ZNF730: variants seen among roughly 807,000 people sequenced by gnomAD.
ZNF730 encodes the protein putative zinc finger protein 730.
ZNF730 carries 12 observed loss-of-function variants against 12.6 expected under a neutral mutation model. The observed-to-expected ratio is 0.95, with a 90% CI of 0.61 to 1.54. ZNF730 has a LOEUF of 1.54. Among genes scored for constraint, ZNF730 ranks in the 40% most tolerant of loss-of-function variants. The pLI, the probability that ZNF730 is intolerant of heterozygous loss-of-function variation, is 0.00. For synonymous variants in ZNF730, 194 were observed against 195.8 expected (o/e 0.99, Z 0.08); for missense variants, 643 against 583.5 (o/e 1.10, Z -1.05).
chr19:23,103,912 T>G (rs1024434632), intron 1 of ZNF730, among the ~76,000 whole-genome samples: 2 of 152,190 alleles, frequency 1.3e-5, no homozygotes, highest in African/African-American at 4.8e-5. Context: ...GTCTTAATTA[T>G]TTTTAAAAGA....
At chr19:23,122,159 T>G (rs992781520) in intron 1 of ZNF730, among the ~76,000 whole-genome samples, 4 of 86,002 alleles carry the variant, frequency 4.7e-5, no homozygotes, top group African/African-American at 1.6e-4. Context: ...TTTTTTTTTT[T>G]AGACAGAGTT....
intron 1 of ZNF730, among the ~76,000 whole-genome samples, chr19:23,098,932 G>A (rs577365592): frequency 2.0e-5 from 3 of 152,248 alleles, no homozygotes; most frequent in Non-Finnish European, 4.4e-5. Flanking sequence ...AAAATCCTGG[G>A]TCTCCTCTCT....
chr19:23,135,221 T>TA lies in ZNF730; in HGVS notation c.131-689dup, dbSNP rs57748615. On this transcript the variant is annotated intron_variant, in intron 2 of 3. Transcript: ENST00000597761. Reference sequence around the variant, plus strand: ...GCGAGAAACACCCAAGAATGATCAATAAAAAAAAAAAAAAAAAAAAAAAAA... The same window carrying TA: ...GCGAGAAACACCCAAGAATGATCAATAAAAAAAAAAAAAAAAAAAAAAAAAA... 5.7e-4 allele frequency among the ~76,000 whole-genome samples: 22 copies of TA among 38,820 alleles called. 3 individuals carry two copies. The highest frequency in any genetic ancestry group is 1.2e-3 in the South Asian group (1 of 828). The allele number at this position is 38,820 out of a possible 152,430, so 25.5% of individuals were successfully genotyped here.
chr19:23,124,607 A>G (rs117627316), intron 1 of ZNF730, among the ~76,000 whole-genome samples: 1 of 152,308 alleles, frequency 6.6e-6, no homozygotes, highest in Non-Finnish European at 1.5e-5. Flanking sequence ...TCCAGAGCAG[A>G]ATTTTATCAG....
At chr19:23,134,526 G>T (rs1209253509) in intron 2 of ZNF730, among the ~76,000 whole-genome samples, 2 of 137,658 alleles carry the variant, frequency 1.5e-5, no homozygotes, top group Non-Finnish European at 1.5e-5. Flanking sequence ...GGTGAGGGGC[G>T]CCTCTGCCCG....
At chr19:23,104,496 G>A (rs1970370027) in intron 1 of ZNF730, among the ~76,000 whole-genome samples, 1 of 151,936 alleles carries the variant, frequency 6.6e-6, no homozygotes, top group Admixed American at 6.6e-5. Context: ...ACTATTTATG[G>A]CCTTCAATAA....
intron 1 of ZNF730, among the ~76,000 whole-genome samples, chr19:23,126,126 G>A (rs890562684): frequency 4.6e-5 from 7 of 152,062 alleles, no homozygotes; most frequent in African/African-American, 1.7e-4. Flanking sequence ...GGTATATAAT[G>A]CTTTTTTAAA....
At chr19:23,110,499 T>C (rs2145571766) in intron 1 of ZNF730, among the ~76,000 whole-genome samples, 1 of 146,056 alleles carries the variant, frequency 6.8e-6, no homozygotes, top group East Asian at 2.0e-4. Context: ...CTGGATGGTC[T>C]CGAACTTCTG....
At chr19:23,113,282 T>C (rs1452755856), upstream of ZNF730, among the ~76,000 whole-genome samples, 2 of 152,200 alleles carry the variant, frequency 1.3e-5, no homozygotes, top group Non-Finnish European at 2.9e-5. Flanking sequence ...AAAAGCACGC[T>C]TCAAACTCTT....
intron 1 of ZNF730, among the ~76,000 whole-genome samples, chr19:23,081,155 CT>C (rs894055545): frequency 2.9e-4 from 42 of 142,702 alleles, no homozygotes; most frequent in Admixed American, 3.5e-4. Flanking sequence ...CTCTTTTTTT[CT>C]TTTTTTTTTT....
At chr19:23,095,908 C>G (rs1393083949) in intron 1 of ZNF730, among the ~76,000 whole-genome samples, 1 of 152,186 alleles carries the variant, frequency 6.6e-6, no homozygotes. Flanking sequence ...CCTCCACTCA[C>G]AGAAGTCATT....
rs1970985651 is a variant in ZNF730 at position 23,145,298 on chromosome 19, T to C, written c.254T>C (p.Leu85Pro). The change falls in exon 4 of 4, where the codon CTT becomes CCT. Residue 85 changes from leucine (L) to proline (P), a missense_variant. Transcript: ENST00000597761. The part of the protein sequence containing the change: ...PVICSHIAQD[L>P]WPEQGIKDYF... ...ATATGTTCTCATATTGCCCAAGACC[T>C]TTGGCCAGAGCAAGGCATAAAAGAT... 1.3e-6 allele frequency: 2 copies of C among 1,565,606 alleles called. No individual in the cohort carries two copies. The highest frequency in any genetic ancestry group is 1.7e-6 in the Non-Finnish European group (2 of 1,160,022).
intron 3 of ZNF730, among the ~76,000 whole-genome samples, chr19:23,137,941 G>T (rs558751464): frequency 2.0e-5 from 3 of 152,288 alleles, no homozygotes; most frequent in East Asian, 3.9e-4. Flanking sequence ...GCAGGTTTCT[G>T]CAATTGGTTG....
At chr19:23,116,336 C>T (rs1358663147), upstream of ZNF730, among the ~76,000 whole-genome samples, 128 of 107,838 alleles carry the variant, frequency 1.2e-3, 2 homozygotes, top group East Asian at 0.028. Flanking sequence ...TTCTTTCTTT[C>T]CTTTCTTTCC....
chr19:23,119,664 A>G (rs1325835794), intron 1 of ZNF730, among the ~76,000 whole-genome samples: 1 of 152,098 alleles, frequency 6.6e-6, no homozygotes, highest in African/African-American at 2.4e-5. Context: ...TAAAAATACA[A>G]AAAGTAGCTG....
At chr19:23,134,495 G>A (rs945325445) in intron 2 of ZNF730, among the ~76,000 whole-genome samples, 3 of 144,388 alleles carry the variant, frequency 2.1e-5, no homozygotes, top group East Asian at 2.1e-4. Flanking sequence ...CCCCCCGCCC[G>A]GCCGGCCGCC....
chr19:23,092,360 C>A (rs570676762), intron 1 of ZNF730, among the ~76,000 whole-genome samples: 6 of 147,582 alleles, frequency 4.1e-5, no homozygotes, highest in Non-Finnish European at 7.5e-5. Flanking sequence ...TTTGGGAGGC[C>A]GAGGCAGGCG....
chr19:23,102,447 G>T (rs900002138), intron 1 of ZNF730, among the ~76,000 whole-genome samples: 6 of 150,848 alleles, frequency 4.0e-5, no homozygotes, highest in African/African-American at 1.5e-4. Context: ...AAATGCCTTG[G>T]TCTAGCTCAC....
rs1970995095 is a variant in ZNF730 at position 23,145,701 on chromosome 19, T to C, written c.657T>C (p.His219=). Residue 219 remains histidine, a synonymous_variant, in exon 4 of 4, where the codon CAT becomes CAC. Coordinates refer to ENST00000597761, the MANE Select transcript of ZNF730 (RefSeq NM_001277403.2). ...ATGAGTCCTCAAACTGTACTACACA[T>C]AAAAGAATTACTGAGAAAAAACCTT... The part of the protein sequence containing the change: ...AFNESSNCTT[H]KRITEKKPYK... The C allele has an allele frequency of 1.3e-6, 2 of 1,555,412 alleles. 1 individual carries two copies. The highest frequency in any genetic ancestry group is 4.8e-5 in the East Asian group (2 of 41,462).
Sources: allele counts gnomAD v4.1 joint callset (sites outside exome capture counted in the v4.1 genomes callset), GRCh38; gene constraint gnomAD v4.1.1; transcripts MANE v1.5; gene names NCBI Gene and HGNC (gene_info 2026-07-23, HGNC 2026-07-21).